Variants in SORCS2 observed in about 807,000 individuals in gnomAD.
SORCS2 encodes VPS10 domain-containing receptor SorCS2.
A neutral mutation model predicts 141.6 loss-of-function variants in SORCS2; 100 were observed. That is an observed-to-expected ratio of 0.71 (90% CI 0.60 to 0.83). SORCS2 has a LOEUF of 0.83. Among genes scored for constraint, SORCS2 ranks in the 40% least tolerant of loss-of-function variants. SORCS2 has a pLI of 0.00. For missense variants in SORCS2, 1,646 were observed against 1,560.2 expected, an observed-to-expected ratio of 1.05 and a Z score of -0.93; for synonymous variants, 789 against 676.9, an observed-to-expected ratio of 1.17 and a Z score of -2.57.
At chr4:7,384,443 A>C (rs7655304) in intron 1 of SORCS2, among the ~76,000 whole-genome samples, 17,918 of 152,160 alleles carry the variant, frequency 0.12, 1,685 homozygotes, top group African/African-American at 0.26. Flanking sequence ...GTGCACCTCC[A>C]CTGCAGGTCA....
rs1215066257 is a variant in SORCS2, at chr4:7,201,862, C to T, written c.480+8736C>T. ...CTGCTGTTCCTGACCGACGTCCTCC[C>T]CTTTTGGAAGTCCAGGGAGCAGAGA... On this transcript the variant is annotated intron_variant, in intron 1 of 26. Transcript: ENST00000507866. The surrounding 1 kb of genome is among the most constrained non-coding windows in gnomAD (Gnocchi z 4.4). Among the ~76,000 whole-genome samples the T allele has an allele frequency of 2.6e-5, 4 of 152,168 alleles. No homozygotes were observed. Among genetic ancestry groups the T allele is most frequent in the South Asian group, 2.1e-4 (1 of 4,826 alleles).
intron 2 of SORCS2, among the ~76,000 whole-genome samples, chr4:7,398,549 C>T (rs1318651934): frequency 1.3e-5 from 2 of 152,224 alleles, no homozygotes; most frequent in Non-Finnish European, 2.9e-5. Context: ...CTTGCAGAGA[C>T]ATTAGTCATC....
chr4:7,266,974 G>A (rs1406567716), intron 1 of SORCS2, among the ~76,000 whole-genome samples: 1 of 152,152 alleles, frequency 6.6e-6, no homozygotes, highest in Non-Finnish European at 1.5e-5. Flanking sequence ...ATCAGTGGGG[G>A]GTGGGGGAGG....
intron 7 of SORCS2, among the ~76,000 whole-genome samples, chr4:7,666,339 G>A (rs1722503909): frequency 6.6e-6 from 1 of 152,108 alleles, no homozygotes. Flanking sequence ...TGAGGGGCAG[G>A]AGAAGGTGGG....
intron 5 of SORCS2, among the ~76,000 whole-genome samples, chr4:7,657,828 CTG>C (rs1002462867): frequency 3.0e-5 from 4 of 134,272 alleles, no homozygotes; most frequent in African/African-American, 8.6e-5. Flanking sequence ...GTGGGTGAGT[CTG>C]TGACTGAGTG....
chr4:7,388,769 C>G (rs1417147237), intron 1 of SORCS2, among the ~76,000 whole-genome samples: 1 of 152,212 alleles, frequency 6.6e-6, no homozygotes, highest in Non-Finnish European at 1.5e-5. Context: ...TGCATCGGCT[C>G]CGACACATCC....
At chr4:7,412,430 G>A (rs1725379091) in intron 2 of SORCS2, among the ~76,000 whole-genome samples, 1 of 152,122 alleles carries the variant, frequency 6.6e-6, no homozygotes, top group African/African-American at 2.4e-5. Flanking sequence ...TTCTCTCCCT[G>A]GCAGAGTGAC....
At chr4:7,364,651 G>C (rs1445900427) in intron 1 of SORCS2, among the ~76,000 whole-genome samples, 1 of 152,200 alleles carries the variant, frequency 6.6e-6, no homozygotes, top group Non-Finnish European at 1.5e-5. Flanking sequence ...CCACAAAACA[G>C]AATGCAAGTC....
chr4:7,685,678 A>T (rs1220922415), intron 10 of SORCS2, among the ~76,000 whole-genome samples: 2 of 118,700 alleles, frequency 1.7e-5, no homozygotes, highest in Non-Finnish European at 3.6e-5. Context: ...CTCAAAAATT[A>T]AAATAAATAA....
At chr4:7,436,751 A>G (rs1727329683) in intron 2 of SORCS2, among the ~76,000 whole-genome samples, 1 of 152,066 alleles carries the variant, frequency 6.6e-6, no homozygotes, top group Admixed American at 6.5e-5. Flanking sequence ...GGATTTGTCT[A>G]CTCGACCCTT....
intron 25 of SORCS2, 21 bp from the exon 26 acceptor site, chr4:7,737,048 G>T: frequency 6.5e-7 from 1 of 1,550,324 alleles, no homozygotes; most frequent in Non-Finnish European, 8.7e-7. Flanking sequence ...AAGCTGAGCC[G>T]CCCTTGCCTC....
At chr4:7,620,057 T>C (rs900223326) in intron 3 of SORCS2, among the ~76,000 whole-genome samples, 1 of 150,266 alleles carries the variant, frequency 6.7e-6, no homozygotes, top group Admixed American at 6.6e-5. Flanking sequence ...CTCCTTCCTC[T>C]TCCTCCTCTT....
At chr4:7,469,102 ATGG>A (rs1449381155) in intron 2 of SORCS2, among the ~76,000 whole-genome samples, 1 of 152,042 alleles carries the variant, frequency 6.6e-6, no homozygotes, top group East Asian at 1.9e-4. Context: ...GCTGGCTGTG[ATGG>A]TGGTGGTGGT....
At chr4:7,337,129 G>T (rs779770895) in intron 1 of SORCS2, among the ~76,000 whole-genome samples, 21 of 152,174 alleles carry the variant, frequency 1.4e-4, no homozygotes, top group Admixed American at 3.9e-4. Flanking sequence ...CCTCACCGAG[G>T]GCAGATGTTT....
intron 1 of SORCS2, among the ~76,000 whole-genome samples, chr4:7,226,051 G>A (rs1728972578): frequency 6.6e-6 from 1 of 152,206 alleles, no homozygotes; most frequent in African/African-American, 2.4e-5. Flanking sequence ...GCCACCGTGA[G>A]AAAACGTGGC....
At chr4:7,409,915 G>T (rs554776936) in intron 2 of SORCS2, among the ~76,000 whole-genome samples, 2 of 152,288 alleles carry the variant, frequency 1.3e-5, no homozygotes, top group South Asian at 4.2e-4. Context: ...AAGTCTCCTT[G>T]TTTTTTTCTG....
intron 10 of SORCS2, among the ~76,000 whole-genome samples, chr4:7,684,278 G>A (rs1240462862): frequency 3.9e-5 from 6 of 152,220 alleles, no homozygotes; most frequent in African/African-American, 1.2e-4. Context: ...AACGGAGGAA[G>A]ATGATAAACA....
At chr4:7,462,388 G>A (rs980914090) in intron 2 of SORCS2, among the ~76,000 whole-genome samples, 4 of 152,194 alleles carry the variant, frequency 2.6e-5, no homozygotes, top group African/African-American at 4.8e-5. Flanking sequence ...GACGGGCTTC[G>A]GGAGGCTGGG....
intron 1 of SORCS2, among the ~76,000 whole-genome samples, chr4:7,394,779 C>G (rs890832395): frequency 2.0e-5 from 3 of 152,082 alleles, no homozygotes; most frequent in African/African-American, 7.2e-5. Flanking sequence ...GCAGGGTGCC[C>G]TCCAGAGCCG....
Sources: allele counts gnomAD v4.1 joint callset (sites outside exome capture counted in the v4.1 genomes callset), GRCh38; gene constraint gnomAD v4.1.1; non-coding constraint Gnocchi (gnomAD v3.1); transcripts MANE v1.5; gene names NCBI Gene and HGNC (gene_info 2026-07-23, HGNC 2026-07-21).